The following EVC variants were observed in gnomAD, a reference collection of about 807,000 sequenced individuals.
The protein encoded by EVC is EvC ciliary complex subunit 1.
EVC carries 116 observed loss-of-function variants against 118.9 expected under a neutral mutation model. That is an observed-to-expected ratio of 0.98 (90% CI 0.84 to 1.14). EVC has a LOEUF of 1.14. Ranked by LOEUF, EVC falls within the 50% of genes most tolerant of loss-of-function variation. The probability of loss-of-function intolerance (pLI) is 0.00; values close to 1 mark genes in which losing one functional copy is unlikely to be tolerated. For missense variants in EVC, 1,401 were observed against 1,246.4 expected (o/e 1.12, Z -1.87); for synonymous variants, 619 against 534.7 (o/e 1.16, Z -2.18).
rs991203361 is a variant in EVC, at chr4:5,743,444, G to A, written c.801+1630G>A. Among the ~76,000 whole-genome samples, 8 of 151,882 alleles carry A rather than the reference G, an allele frequency of 5.3e-5. No individual in the cohort carries two copies. Among genetic ancestry groups the A allele is most frequent in the African/African-American group, 4.8e-5 (2 of 41,330 alleles). On this transcript the variant is annotated intron_variant, in intron 6 of 20. Coordinates refer to ENST00000264956, the MANE Select transcript of EVC (RefSeq NM_153717.3). This position sits in a 1 kb window ranked among gnomAD's most constrained non-coding sequence, Gnocchi z 4.7. ...TGTCATCATTTTCATTACTGCCATC[G>A]TCATCGCATCATTGTTGTGATAGTC...
chr4:5,777,178 C>T (rs1219202981), intron 11 of EVC, among the ~76,000 whole-genome samples: 1 of 152,104 alleles, frequency 6.6e-6, no homozygotes, highest in Non-Finnish European at 1.5e-5. Context: ...AGAGGATTTT[C>T]GTTTGCTTTT....
At chr4:5,715,839 G>A (rs1161673940) in intron 1 of EVC, among the ~76,000 whole-genome samples, 1 of 150,942 alleles carries the variant, frequency 6.6e-6, no homozygotes, top group Non-Finnish European at 1.5e-5. Flanking sequence ...CACTTCCTGG[G>A]TTCAAGCAAT....
At chr4:5,825,537 G>A in the EVC span, 33 of 1,592,818 alleles carry the variant, frequency 2.1e-5, no homozygotes, top group Non-Finnish European at 2.0e-5. The surrounding 1 kb of genome is among the most constrained non-coding windows in gnomAD (Gnocchi z 4.4). Flanking sequence ...TGATGGGTGG[G>A]GGCTGGTGTT....
intron 1 of EVC, among the ~76,000 whole-genome samples, chr4:5,715,651 A>G (rs1421828587): frequency 1.3e-5 from 2 of 151,680 alleles, no homozygotes; most frequent in African/African-American, 4.9e-5. Context: ...GTCTGAAAAT[A>G]TATTCTTCTA....
intron 11 of EVC, among the ~76,000 whole-genome samples, chr4:5,761,148 G>C (rs1431326551): frequency 1.3e-5 from 2 of 152,110 alleles, no homozygotes; most frequent in South Asian, 2.1e-4. Context: ...GTGCAATGGA[G>C]ACTGGGAGCC....
intron 11 of EVC, among the ~76,000 whole-genome samples, chr4:5,776,530 C>G (rs1041251627): frequency 3.3e-5 from 5 of 152,262 alleles, no homozygotes; most frequent in African/African-American, 1.2e-4. Context: ...GCCTCAGTTT[C>G]CTCATCTGTA....
intron 5 of EVC, among the ~76,000 whole-genome samples, chr4:5,740,779 C>A (rs189605697): frequency 6.6e-6 from 1 of 152,202 alleles, no homozygotes; most frequent in African/African-American, 2.4e-5. Flanking sequence ...ATGGGAAGGA[C>A]ATGAACAGAT....
intron 18 of EVC, among the ~76,000 whole-genome samples, 153 bp from the exon 19 acceptor site, chr4:5,809,365 C>A (rs1259177950): frequency 6.6e-6 from 1 of 152,212 alleles, no homozygotes; most frequent in Non-Finnish European, 1.5e-5. Context: ...CTGCTCCTCT[C>A]CTCTCTGGGA....
At chr4:5,773,729 GGC>G (rs1384750891) in intron 11 of EVC, among the ~76,000 whole-genome samples, 1 of 152,036 alleles carries the variant, frequency 6.6e-6, no homozygotes, top group Non-Finnish European at 1.5e-5. Flanking sequence ...TCTGGTGGAT[GGC>G]CCAGTACTGC....
the EVC span, chr4:5,821,720 T>G: frequency 6.5e-7 from 1 of 1,544,012 alleles, no homozygotes; most frequent in Non-Finnish European, 8.8e-7. The surrounding 1 kb of genome is among the most constrained non-coding windows in gnomAD (Gnocchi z 4.4). Context: ...TGGACATGAT[T>G]CCCAGAATCC....
At chr4:5,777,839 G>T (rs1000973969) in intron 11 of EVC, among the ~76,000 whole-genome samples, 28 of 151,820 alleles carry the variant, frequency 1.8e-4, no homozygotes, top group East Asian at 1.9e-4. Context: ...GAAATTTTTT[G>T]TTGTTGTTGT....
At chr4:5,790,588 A>C (rs1450951108) in intron 12 of EVC, among the ~76,000 whole-genome samples, 1 of 152,170 alleles carries the variant, frequency 6.6e-6, no homozygotes, top group Non-Finnish European at 1.5e-5. Flanking sequence ...AGGGAGGAGC[A>C]TGGTGGATTT....
At chr4:5,786,460 T>C (rs1711606976) in intron 12 of EVC, among the ~76,000 whole-genome samples, 1 of 152,258 alleles carries the variant, frequency 6.6e-6, no homozygotes, top group Non-Finnish European at 1.5e-5. Flanking sequence ...GAGTTTTGCA[T>C]GCAGGAAGCA....
intron 11 of EVC, among the ~76,000 whole-genome samples, chr4:5,776,360 C>G (rs1361017016): frequency 6.6e-6 from 1 of 152,044 alleles, no homozygotes; most frequent in African/African-American, 2.4e-5. Context: ...CCTGTGTTTA[C>G]TAGGTGCTGG....
At chr4:5,804,680 A>C (rs1356340902) in intron 16 of EVC, 50 bp from the exon 17 acceptor site, 2 of 1,553,682 alleles carry the variant, frequency 1.3e-6, no homozygotes, top group African/African-American at 1.4e-5. Context: ...GACCTGGCAC[A>C]GTGGATCCTC....
rs1730878188 is a variant in EVC, at chr4:5,754,527, ACCTGGACTCG to A, written c.1464+597_1464+606del. ...GCTGGCCCCAGTGCAGGCTCTAAGG[ACCTGGACTCG>A]CCAGTTCTCAGAGAGACCACCGAGC... On this transcript the variant is annotated intron_variant, in intron 10 of 20. Coordinates refer to ENST00000264956, the MANE Select transcript of EVC (RefSeq NM_153717.3). This position sits in a 1 kb window ranked among gnomAD's most constrained non-coding sequence, Gnocchi z 5.8. Among the ~76,000 whole-genome samples, 1 of 152,080 alleles carries A rather than the reference ACCTGGACTCG, an allele frequency of 6.6e-6. No homozygotes were observed. The highest frequency in any genetic ancestry group is 6.6e-5 in the Admixed American group (1 of 15,264).
intron 13 of EVC, among the ~76,000 whole-genome samples, chr4:5,794,342 C>T (rs56119269): frequency 0.54 from 52,430 of 97,180 alleles, 10,841 homozygotes; most frequent in Non-Finnish European, 0.56. Flanking sequence ...TATTTATATA[C>T]TTATATATAT....
chr4:5,769,062 C>A (rs1435218945), intron 11 of EVC, among the ~76,000 whole-genome samples: 1 of 152,002 alleles, frequency 6.6e-6, no homozygotes, highest in Non-Finnish European at 1.5e-5. Flanking sequence ...TGATGGTCAC[C>A]TATATTAATT....
rs111447771 is a variant in EVC, at chr4:5,760,709, C to T, written c.1563+4347C>T. ...CTGGAATTACAGGCATGTGCCACCA[C>T]GCCCAGCTAATTTTGTATTTTTAGT... On this transcript the variant is annotated intron_variant, in intron 11 of 20. Coordinates refer to ENST00000264956, the MANE Select transcript of EVC (RefSeq NM_153717.3). Among the ~76,000 whole-genome samples the T allele has an allele frequency of 4.2e-3, 636 of 152,226 alleles. 7 individuals carry two copies. Among genetic ancestry groups the T allele is most frequent in the Middle Eastern group, 6.8e-3 (2 of 294 alleles).
Sources: allele counts gnomAD v4.1 joint callset (sites outside exome capture counted in the v4.1 genomes callset), GRCh38; gene constraint gnomAD v4.1.1; non-coding constraint Gnocchi (gnomAD v3.1); transcripts MANE v1.5; gene names NCBI Gene and HGNC (gene_info 2026-07-23, HGNC 2026-07-21).